Variants in MTMR8 observed in about 807,000 individuals in gnomAD.
MTMR8 encodes phosphatidylinositol-3,5-bisphosphate 3-phosphatase MTMR8.
Under a neutral mutation model 39.3 loss-of-function variants are expected in MTMR8, and 65 were observed. That is an observed-to-expected ratio of 1.65 (90% CI 1.35 to 2.03). The LOEUF is 2.03. Among genes scored for constraint, MTMR8 ranks in the 30% most tolerant of loss-of-function variants. MTMR8 has a pLI of 0.00. For synonymous variants in MTMR8, 245 were observed against 185.2 expected (o/e 1.32, Z -2.62); for missense variants, 777 against 538.9 (o/e 1.44, Z -4.37).
At chrX:64,368,374 G>A (rs1292988753) in intron 1 of MTMR8, among the ~76,000 whole-genome samples, 2 of 111,818 alleles carry the variant, frequency 1.8e-5, no homozygotes, top group Non-Finnish European at 3.8e-5. Context: ...CAAGGCTATA[G>A]TAACCAAAAC....
chrX:64,302,444 C>CA (rs1474622166), intron 12 of MTMR8, among the ~76,000 whole-genome samples: 1 of 112,094 alleles, frequency 8.9e-6, no homozygotes, highest in East Asian at 2.8e-4. Flanking sequence ...TGCGCACACC[C>CA]ACTGGCCTGC....
At chrX:64,360,613 C>A (rs934353044) in intron 1 of MTMR8, among the ~76,000 whole-genome samples, 1 of 110,948 alleles carries the variant, frequency 9.0e-6, no homozygotes, top group African/African-American at 3.3e-5. Flanking sequence ...AACCACAATG[C>A]AATAGCACTA....
intron 1 of MTMR8, among the ~76,000 whole-genome samples, chrX:64,374,448 G>A (rs1224080076): frequency 1.8e-5 from 2 of 111,830 alleles, no homozygotes; most frequent in Admixed American, 9.5e-5. Flanking sequence ...TCTACTATAT[G>A]CCAGGCACTG....
chrX:64,303,532 T>A (rs1312032043), intron 12 of MTMR8, among the ~76,000 whole-genome samples: 1 of 112,274 alleles, frequency 8.9e-6, no homozygotes, highest in Non-Finnish European at 1.9e-5. Flanking sequence ...ATATTTCTTA[T>A]AGCAAACTGT....
At position 64,313,446 on chromosome X, in the gene MTMR8, G is replaced by A. The variant is rs11562650; in HGVS notation, c.1481+15326C>T. Among the ~76,000 whole-genome samples, 5 of 112,589 alleles carry A rather than the reference G, an allele frequency of 4.4e-5. No individual in the cohort carries two copies. In the East Asian group the frequency reaches 1.4e-3, roughly 32 times the overall value. On this transcript the variant is annotated intron_variant, in intron 12 of 13. Transcript: ENST00000374852. ...CAGTTAGGAACTTTTATCAACAATA[G>A]GACTGTTTTGCTTTCTTATCGTTTG... is the stretch of plus-strand genomic sequence containing the variant.
chrX:64,317,641 C>T (rs1034421464), intron 12 of MTMR8, among the ~76,000 whole-genome samples: 1 of 112,234 alleles, frequency 8.9e-6, no homozygotes, highest in Non-Finnish European at 1.9e-5. Context: ...CATCCATTGA[C>T]TGCCTTTTTT....
chrX:64,359,179 G>T (rs1423376319), intron 2 of MTMR8, among the ~76,000 whole-genome samples: 1 of 110,688 alleles, frequency 9.0e-6, no homozygotes, highest in Non-Finnish European at 1.9e-5. Context: ...TAAACCCCAG[G>T]AATATTCCCA....
intron 4 of MTMR8, among the ~76,000 whole-genome samples, 156 bp downstream of exon 4, chrX:64,354,621 G>A (rs1453834876): frequency 1.8e-5 from 2 of 111,629 alleles, no homozygotes; most frequent in Non-Finnish European, 3.8e-5. Context: ...CTATTGCACT[G>A]TAGGTACTCA....
chrX:64,308,972 G>T (rs759406802), intron 12 of MTMR8, among the ~76,000 whole-genome samples: 13 of 111,837 alleles, frequency 1.2e-4, no homozygotes, highest in Non-Finnish European at 2.3e-4. Flanking sequence ...TGTACTTGTT[G>T]TTTGTTTGTT....
At chrX:64,292,908 C>T (rs755439333) in intron 12 of MTMR8, among the ~76,000 whole-genome samples, 3 of 111,607 alleles carry the variant, frequency 2.7e-5, no homozygotes, top group South Asian at 7.7e-4. Context: ...TCAAAAGAGG[C>T]TTTGTGCCTC....
At chrX:64,346,800 G>A (rs763177825) in intron 6 of MTMR8, among the ~76,000 whole-genome samples, 1 of 110,823 alleles carries the variant, frequency 9.0e-6, no homozygotes, top group African/African-American at 3.3e-5. Context: ...CAAAAGCTTG[G>A]TGTAGTTCTC....
intron 1 of MTMR8, among the ~76,000 whole-genome samples, chrX:64,370,986 CT>C (rs1238837285): frequency 3.6e-5 from 4 of 111,100 alleles, no homozygotes; most frequent in African/African-American, 1.3e-4. Flanking sequence ...GAACTCGTCT[CT>C]ACAAAAAACA....
chrX:64,324,814 C>CAA (rs758476355), intron 12 of MTMR8, among the ~76,000 whole-genome samples: 1,478 of 27,922 alleles, frequency 0.053, 147 homozygotes, highest in African/African-American at 0.27. Context: ...TGTTGCTCAC[C>CAA]AAAAAAAAAA....
In MTMR8 at chrX:64,356,260, T is replaced by G. The variant is rs750030843; in HGVS notation, c.226A>C (p.Asn76His). Residue 76 changes from asparagine (N) to histidine (H), a missense_variant, in exon 3 of 14, where the codon AAT becomes CAT. By Grantham distance (68) the Asn-to-His change is moderately conservative. Transcript: ENST00000374852. ...AAAACAAAGTGGGCCACCCGGAAAT[T>G]CTTGCAGCGGAGGGTCAGGGGACAA... ...LGCPLTLRCK[N>H]FRVAHFVLDS... is the part of the protein sequence containing the mutation. 1.8e-5 allele frequency: 22 copies of G among 1,208,127 alleles called. No homozygotes were observed. Among genetic ancestry groups the G allele is most frequent in the Non-Finnish European group, 2.5e-5 (22 of 894,388 alleles).
chrX:64,300,301 T>C (rs1325572337), intron 12 of MTMR8, among the ~76,000 whole-genome samples: 1 of 111,854 alleles, frequency 8.9e-6, no homozygotes, highest in Non-Finnish European at 1.9e-5. Flanking sequence ...TAGTTAGCTC[T>C]TCTTGTTGAA....
At chrX:64,302,021 TTGTC>T (rs1400991795) in intron 12 of MTMR8, among the ~76,000 whole-genome samples, 6 of 112,623 alleles carry the variant, frequency 5.3e-5, no homozygotes, top group Admixed American at 4.7e-4. Context: ...GTCTTTTTGT[TTGTC>T]TGTGCCCTGC....
intron 12 of MTMR8, among the ~76,000 whole-genome samples, chrX:64,315,355 C>T (rs1319708635): frequency 9.0e-6 from 1 of 111,699 alleles, no homozygotes; most frequent in Non-Finnish European, 1.9e-5. Context: ...AACTTCAGCC[C>T]AGCTTCTGTG....
chrX:64,326,220 T>A lies in MTMR8; in HGVS notation c.1481+2552A>T, dbSNP rs1489868912. On this transcript the variant is annotated intron_variant, in intron 12 of 13. Coordinates refer to ENST00000374852, the MANE Select transcript of MTMR8 (RefSeq NM_017677.4). ...AGAAAAGTTGGTCTTGCTGACTCAG[T>A]GGTTGCAGAGGTGGAAGAAAATCCA... 2.7e-5 allele frequency among the ~76,000 whole-genome samples: 3 copies of A among 111,153 alleles called. No individual in the cohort carries two copies. The East Asian group carries it at 8.4e-4, about 31-fold the overall frequency.
chrX:64,278,726 C>G (rs938223372), intron 12 of MTMR8, among the ~76,000 whole-genome samples: 9 of 110,374 alleles, frequency 8.2e-5, no homozygotes, highest in African/African-American at 3.0e-4. Flanking sequence ...CCCGCCTCGG[C>G]CTTCCAAAGT....
Sources: gnomAD v4.1 joint callset for allele counts (sites outside exome capture counted in the v4.1 genomes callset) on GRCh38, gnomAD v4.1.1 for gene constraint, MANE v1.5 for transcripts, NCBI Gene and HGNC (gene_info 2026-07-23, HGNC 2026-07-21) for gene names.